IFT80: variants seen among roughly 807,000 people sequenced by gnomAD.
The protein encoded by IFT80 is intraflagellar transport protein 80 homolog.
Under a neutral mutation model 107.9 loss-of-function variants are expected in IFT80, and 79 were observed. The ratio of observed to expected loss-of-function variants is 0.73; its 90% CI spans 0.61 to 0.88. The LOEUF (loss-of-function observed/expected upper bound fraction) is 0.88, where lower values mean the gene tolerates loss of function less well. Among genes scored for constraint, IFT80 ranks in the 40% least tolerant of loss-of-function variants. IFT80 has a pLI of 0.00. For synonymous variants in IFT80, 299 were observed against 300.9 expected (o/e 0.99, Z 0.07); for missense variants, 797 against 914.2 (o/e 0.87, Z 1.65).
chr3:160,356,031 G>A lies in IFT80; in HGVS notation c.759C>T (p.Arg253=), dbSNP rs2108360089. 1.2e-6 allele frequency: 2 copies of A among 1,614,042 alleles called. No individual in the cohort carries two copies. The highest frequency in any genetic ancestry group is 1.7e-6 in the Non-Finnish European group (2 of 1,179,950). The part of the protein sequence containing the change: ...LFAVGSFHTL[R]LCDKTGWSYA... The stretch of plus-strand genomic sequence containing the variant: ...AACTTACCCCAGTTTTATCACACAA[G>A]CGTAAAGTATGAAACGATCCAACAG... Residue 253 remains arginine (R), a synonymous_variant, in exon 8 of 20, where the codon CGC becomes CGT. Transcript: ENST00000326448.
chr3:160,313,098 TA>T (rs1717536757), intron 9 of IFT80, among the ~76,000 whole-genome samples: 1 of 115,038 alleles, frequency 8.7e-6, no homozygotes, highest in Non-Finnish European at 1.7e-5. Context: ...ATATTTTATA[TA>T]TATTTTTTAT....
chr3:160,262,616 C>T (rs1376667469), intron 19 of IFT80, among the ~76,000 whole-genome samples: 1 of 152,164 alleles, frequency 6.6e-6, no homozygotes, highest in African/African-American at 2.4e-5. Context: ...TGAGCTACCA[C>T]GCCCAGCCAC....
At chr3:160,382,700 C>T (rs1348777034) in intron 2 of IFT80, among the ~76,000 whole-genome samples, 1 of 152,098 alleles carries the variant, frequency 6.6e-6, no homozygotes, top group Non-Finnish European at 1.5e-5. Context: ...TGATATAATC[C>T]TTTTATTTCC....
intron 19 of IFT80, among the ~76,000 whole-genome samples, chr3:160,265,703 G>A (rs547634787): frequency 1.3e-3 from 197 of 152,184 alleles, no homozygotes; most frequent in African/African-American, 4.6e-3. Context: ...TAAACTAAGT[G>A]TCTATCAAAC....
At chr3:160,288,177 CA>C (rs1715244997) in intron 12 of IFT80, among the ~76,000 whole-genome samples, 1 of 151,992 alleles carries the variant, frequency 6.6e-6, no homozygotes, top group Non-Finnish European at 1.5e-5. Flanking sequence ...ACTAAAAATA[CA>C]AAAAATTAGC....
intron 8 of IFT80, among the ~76,000 whole-genome samples, chr3:160,355,747 CT>C (rs1399665985): frequency 6.6e-6 from 1 of 151,996 alleles, no homozygotes; most frequent in African/African-American, 2.4e-5. Flanking sequence ...AATTTTAATA[CT>C]TTAACTACTT....
At chr3:160,370,163 T>A (rs1722134177) in intron 5 of IFT80, among the ~76,000 whole-genome samples, 1 of 152,174 alleles carries the variant, frequency 6.6e-6, no homozygotes, top group South Asian at 2.1e-4. Context: ...TGTATGTTTT[T>A]AAGAATGCCT....
chr3:160,295,932 G>A (rs550042391), intron 12 of IFT80, among the ~76,000 whole-genome samples: 1 of 152,218 alleles, frequency 6.6e-6, no homozygotes, highest in South Asian at 2.1e-4. Flanking sequence ...ACCTATATGA[G>A]GTATACTAAA....
At chr3:160,281,272 C>T (rs1306252581) in intron 14 of IFT80, among the ~76,000 whole-genome samples, 1 of 152,174 alleles carries the variant, frequency 6.6e-6, no homozygotes, top group South Asian at 2.1e-4. Flanking sequence ...CACCAACCCA[C>T]GGAGCCACCC....
intron 19 of IFT80, among the ~76,000 whole-genome samples, chr3:160,259,928 T>C (rs567747478): frequency 2.6e-5 from 4 of 152,136 alleles, no homozygotes; most frequent in South Asian, 2.1e-4. Context: ...TTTAGGGGAG[T>C]TGAATGGAAT....
At chr3:160,397,444 C>T (rs1217860363) in intron 1 of IFT80, among the ~76,000 whole-genome samples, 2 of 152,186 alleles carry the variant, frequency 1.3e-5, no homozygotes, top group Non-Finnish European at 2.9e-5. Context: ...TCCCATTATT[C>T]ATCCTTAGCA....
At chr3:160,277,705 TG>T (rs747491424) in intron 16 of IFT80, 35 bp from the exon 17 acceptor site, 11 of 1,379,844 alleles carry the variant, frequency 8.0e-6, no homozygotes, top group Non-Finnish European at 1.0e-5. Context: ...ATCTTAACTA[TG>T]TGACTGAACT....
At chr3:160,385,944 CA>C (rs546299171) in intron 1 of IFT80, among the ~76,000 whole-genome samples, 425 of 152,176 alleles carry the variant, frequency 2.8e-3, no homozygotes, top group African/African-American at 6.9e-3. Flanking sequence ...CAATAGATAA[CA>C]ACAATACACA....
At chr3:160,350,865 T>C (rs1324527468) in intron 8 of IFT80, among the ~76,000 whole-genome samples, 1 of 151,802 alleles carries the variant, frequency 6.6e-6, no homozygotes, top group African/African-American at 2.4e-5. Context: ...TTTTAACTAA[T>C]ACATATTTCT....
intron 5 of IFT80, among the ~76,000 whole-genome samples, chr3:160,374,606 T>C (rs1312848110): frequency 6.6e-6 from 1 of 152,136 alleles, no homozygotes; most frequent in East Asian, 1.9e-4. Flanking sequence ...GCTGAAATTC[T>C]TGTAGTTCTT....
chr3:160,296,655 A>G (rs1223504125), intron 12 of IFT80, among the ~76,000 whole-genome samples: 5 of 152,048 alleles, frequency 3.3e-5, no homozygotes, highest in African/African-American at 1.2e-4. Flanking sequence ...CAGTTTTTAC[A>G]ACTCCTACCC....
chr3:160,261,892 G>C (rs573008077), intron 19 of IFT80, among the ~76,000 whole-genome samples: 3 of 151,778 alleles, frequency 2.0e-5, no homozygotes, highest in Non-Finnish European at 2.9e-5. Flanking sequence ...AGAAGTACAC[G>C]GACGGCCCTG....
chr3:160,363,597 T>C (rs1721652722), intron 6 of IFT80, among the ~76,000 whole-genome samples: 3 of 152,152 alleles, frequency 2.0e-5, no homozygotes, highest in South Asian at 2.1e-4. Flanking sequence ...GGCATCACGC[T>C]ACCTGACTTC....
At chr3:160,295,296 A>C (rs1715887134) in intron 12 of IFT80, among the ~76,000 whole-genome samples, 1 of 152,096 alleles carries the variant, frequency 6.6e-6, no homozygotes, top group South Asian at 2.1e-4. Context: ...GAAATATATT[A>C]CGAAGGTTCC....
Sources: gnomAD v4.1 joint callset for allele counts (sites outside exome capture counted in the v4.1 genomes callset) on GRCh38, gnomAD v4.1.1 for gene constraint, MANE v1.5 for transcripts, NCBI Gene and HGNC (gene_info 2026-07-23, HGNC 2026-07-21) for gene names.